Variants in BMI1 observed in about 807,000 individuals in gnomAD.
BMI1 encodes BMI1 proto-oncogene, polycomb ring finger.
A neutral mutation model predicts 39.1 loss-of-function variants in BMI1; 9 were observed. The ratio of observed to expected loss-of-function variants is 0.23; its 90% CI spans 0.14 to 0.40. The LOEUF is 0.40. Ranked by LOEUF, BMI1 falls within the 10% of genes least tolerant of loss-of-function variation. The pLI is 1.00. For synonymous variants in BMI1, 131 were observed against 127.9 expected (o/e 1.02, Z -0.16); for missense variants, 252 against 390.8 (o/e 0.64, Z 2.99).
intron 1 of BMI1, among the ~76,000 whole-genome samples, chr10:22,324,621 C>G (rs1836088386): frequency 6.6e-6 from 1 of 152,162 alleles, no homozygotes; most frequent in Non-Finnish European, 1.5e-5. Flanking sequence ...AGCCATTGAG[C>G]TGTGTTGATT....
chr10:22,325,894 C>G (rs1277635008), intron 1 of BMI1: 1 of 152,198 alleles, frequency 6.6e-6, no homozygotes, highest in East Asian at 1.9e-4. Context: ...CCCCAGCACC[C>G]GGCTCCGGAA....
intron 1 of BMI1, among the ~76,000 whole-genome samples, chr10:22,323,873 A>G (rs1208101369): frequency 1.3e-5 from 2 of 152,234 alleles, no homozygotes; most frequent in African/African-American, 2.4e-5. Context: ...AAGCACGTCA[A>G]ACACTTTGGA....
chr10:22,326,197 C>A, intron 1 of BMI1: 1 of 436,292 alleles, frequency 2.3e-6, no homozygotes, highest in African/African-American at 2.0e-5. Context: ...AGACTTTCTT[C>A]TACCTACAGG....
rs372205695 is a variant in BMI1, at chr10:22,329,089, T to C, written c.612T>C (p.Tyr204=). The C allele has an allele frequency of 8.1e-6, 13 of 1,612,322 alleles. No homozygotes were observed. The African/African-American group carries it at 1.5e-4, about 18-fold the overall frequency. Residue 204 remains tyrosine (Y), a synonymous_variant, in exon 9 of 10, where the codon TAT becomes TAC. Transcript: ENST00000376663. ...MYEEEPLKDY[Y]TLMDIAYIYT... is the part of the protein sequence containing the mutation. ...AGGAGGAACCTTTAAAGGATTATTA[T>C]ACACTAATGGATATTGCCTACATTT...
intron 3 of BMI1, 59 bp from the exon 4 acceptor site, chr10:22,327,536 T>G (rs766134368): frequency 2.0e-6 from 3 of 1,481,888 alleles, no homozygotes; most frequent in Middle Eastern, 2.4e-4. Context: ...TAGAAACTTA[T>G]GAACATTTTT....
At position 22,327,743 on chromosome 10, in the gene BMI1, T is replaced by A; in HGVS notation, c.267T>A (p.Asn89Lys). Reference protein sequence around the residue: ...VYKLVPGLFKNEMKRRRDFYA... With the variant: ...VYKLVPGLFKKEMKRRRDFYA... ...TTTACATCTTTTTTCCCCATTCAGATGAAATGAAGAGAAGAAGGGATTTTT... is the reference window on the plus strand; with the variant it reads ...TTTACATCTTTTTTCCCCATTCAGAAGAAATGAAGAGAAGAAGGGATTTTT... Residue 89 changes from asparagine to lysine, a missense_variant and splice_region_variant, in exon 5 of 10, where the codon AAT becomes AAA. Physicochemically the swap from Asn to Lys is moderately conservative, Grantham distance 94. Around this residue, in one of 4 missense-constraint regions of BMI1, gnomAD observed 62 missense variants for 123.3 expected, o/e 0.50. Coordinates refer to ENST00000376663, the MANE Select transcript of BMI1 (RefSeq NM_005180.9). The A allele has an allele frequency of 6.2e-7, 1 of 1,613,420 alleles. No individual in the cohort carries two copies. The highest frequency in any genetic ancestry group is 8.5e-7 in the Non-Finnish European group (1 of 1,179,616).
intron 1 of BMI1, among the ~76,000 whole-genome samples, chr10:22,325,118 C>A (rs1225162269): frequency 2.0e-5 from 3 of 152,232 alleles, no homozygotes; most frequent in African/African-American, 7.2e-5. Flanking sequence ...GCTTTGCCCT[C>A]TCCTCTTCTT....
At chr10:22,329,155 A>T in intron 9 of BMI1, 27 bp downstream of exon 9, 1 of 1,611,066 alleles carries the variant, frequency 6.2e-7, no homozygotes, top group Non-Finnish European at 8.5e-7. Context: ...TTGTTAGATT[A>T]TGATGGTAAA....
At position 22,321,326 on chromosome 10, in the gene BMI1, A is replaced by C. The variant is rs886551309; in HGVS notation, c.-390A>C. 1 of 153,740 alleles carries C rather than the reference A, an allele frequency of 6.5e-6. No individual in the cohort carries two copies. The highest frequency in any genetic ancestry group is 1.4e-5 in the Non-Finnish European group (1 of 69,498). The allele number at this position is 153,740 out of a possible 1,614,324, so 9.5% of individuals were successfully genotyped here. A position where few individuals can be genotyped will look rare whatever the true frequency, so the allele number is the denominator to read the frequency against. On this transcript the variant is annotated 5_prime_UTR_variant, in exon 1 of 10. Transcript: ENST00000376663. ...GCACCTCCCAGCCCCGCAGAATAAA[A>C]CCGATCGCGCCCCCTCCGCGCGCGC...
Position 22,326,982 on chromosome 10 carries a change from A to G in BMI1, c.205A>G (p.Ile69Val), listed in dbSNP as rs1323074440. 2 of 1,613,422 alleles carry G rather than the reference A, an allele frequency of 1.2e-6. No homozygotes were observed. Among genetic ancestry groups the G allele is most frequent in the African/African-American group, 1.3e-5 (1 of 75,024 alleles). The change falls in exon 3 of 10, where the codon ATA (isoleucine) becomes GTA (valine). Residue 69 changes from isoleucine (I) to valine (V), a missense_variant. Physicochemically the swap from Ile to Val is conservative, Grantham distance 29. Around this residue, in one of 4 missense-constraint regions of BMI1, gnomAD observed 62 missense variants for 123.3 expected, o/e 0.50. Coordinates refer to ENST00000376663, the MANE Select transcript of BMI1 (RefSeq NM_005180.9). ...TCACAAGACCAGACCACTACTGAAT[A>G]TAAGGTAGGAAACTGTTGAAATTCC... ...QVHKTRPLLN[I>V]RSDKTLQDIV...
intron 1 of BMI1, chr10:22,325,634 CCCGCCCGCCCG>C (rs1428661995): frequency 6.9e-6 from 1 of 145,742 alleles, no homozygotes; most frequent in African/African-American, 2.5e-5. Context: ...CCCCCGCCCG[CCCGCCCGCCCG>C]CCGCCCCGCA....
Position 22,330,683 on chromosome 10 carries a change from G to T in BMI1, c.*1141G>T, listed in dbSNP as rs1271877724. ...GCTAAAAGAAGGCATTTTATCTAAA[G>T]TTATTTTAATAGGTGGTATAGCAGT... On this transcript the variant is annotated 3_prime_UTR_variant, in exon 10 of 10. Coordinates refer to ENST00000376663, the MANE Select transcript of BMI1 (RefSeq NM_005180.9). 6.6e-6 allele frequency: 1 copy of T among 152,288 alleles called. No individual in the cohort carries two copies. The highest frequency in any genetic ancestry group is 2.4e-5 in the African/African-American group (1 of 41,440). The allele number at this position is 152,288 out of a possible 1,614,324, so 9.4% of individuals were successfully genotyped here.
At position 22,331,371 on chromosome 10, in the gene BMI1, TATAGTG is replaced by T. The variant is rs1320258592; in HGVS notation, c.*1832_*1837del. Reference sequence around the variant, plus strand: ...CGTTAAAGAGAATACATTGCTGACTTATAGTGATGTGGCTAAGAAGTACATGCTTTG... The same window carrying T: ...CGTTAAAGAGAATACATTGCTGACTTATGTGGCTAAGAAGTACATGCTTTG... On this transcript the variant is annotated 3_prime_UTR_variant, in exon 10 of 10. Coordinates refer to ENST00000376663, the MANE Select transcript of BMI1 (RefSeq NM_005180.9). 11 of 152,158 alleles carry T rather than the reference TATAGTG, an allele frequency of 7.2e-5. No homozygotes were observed. The highest frequency in any genetic ancestry group is 2.7e-4 in the African/African-American group (11 of 41,452). The allele number at this position is 152,158 out of a possible 1,614,324, so 9.4% of individuals were successfully genotyped here. A position where few individuals can be genotyped will look rare whatever the true frequency, so the allele number is the denominator to read the frequency against.
rs1311665193 is a variant in BMI1, at chr10:22,321,555, C to T, written c.-161C>T. On this transcript the variant is annotated 5_prime_UTR_variant, in exon 1 of 10. Coordinates refer to ENST00000376663, the MANE Select transcript of BMI1 (RefSeq NM_005180.9). ...TGGCGGCCGCGGCTGCTCGGGGCCGCGCTGGTTGCCCATTGACAGCGGCGT... is the reference window on the plus strand; with the variant it reads ...TGGCGGCCGCGGCTGCTCGGGGCCGTGCTGGTTGCCCATTGACAGCGGCGT... 6.5e-6 allele frequency: 1 copy of T among 153,340 alleles called. No homozygotes were observed. The highest frequency in any genetic ancestry group is 2.4e-5 in the African/African-American group (1 of 41,438). The allele number at this position is 153,340 out of a possible 1,614,324, so 9.5% of individuals were successfully genotyped here. A position where few individuals can be genotyped will look rare whatever the true frequency, so the allele number is the denominator to read the frequency against.
At chr10:22,327,843 T>C in intron 5 of BMI1, 51 bp downstream of exon 5, 1 of 1,608,878 alleles carries the variant, frequency 6.2e-7, no homozygotes, top group Non-Finnish European at 8.5e-7. Context: ...AGAGCTTATC[T>C]AGGAATTAAA....
rs1471620122 is a variant in BMI1, at chr10:22,329,640, G to A, written c.*98G>A. On this transcript the variant is annotated 3_prime_UTR_variant, in exon 10 of 10. Coordinates refer to ENST00000376663, the MANE Select transcript of BMI1 (RefSeq NM_005180.9). ...CTAGATGCTAATACATGTGACTATC[G>A]TCCAATTTGCTTTCTTTTGTAGTGA... The A allele has an allele frequency of 1.9e-5, 26 of 1,398,676 alleles. No homozygotes were observed. The highest frequency in any genetic ancestry group is 1.9e-4 in the Middle Eastern group (1 of 5,248). The allele number at this position is 1,398,676 out of a possible 1,614,324, so 86.6% of individuals were successfully genotyped here.
chr10:22,326,028 AG>A (rs1384105144), intron 1 of BMI1: 1 of 154,516 alleles, frequency 6.5e-6, no homozygotes, highest in African/African-American at 2.4e-5. Context: ...CAGATTCTTG[AG>A]GAAGTTTTAT....
intron 1 of BMI1, among the ~76,000 whole-genome samples, chr10:22,324,055 CT>C (rs1836072546): frequency 6.6e-6 from 1 of 152,234 alleles, no homozygotes; most frequent in African/African-American, 2.4e-5. Context: ...ATTTGAAAGA[CT>C]TTTGGTCAAG....
In BMI1 at chr10:22,328,039, G is replaced by T; in HGVS notation, c.406G>T (p.Glu136Ter). ...TDDEIISLSI[E>*]FFDQNRLDRK... ...TGATGAGATAATAAGCTTATCCATT[G>T]AATTCTTTGACCAGAACAGGTAAAA... Residue 136 changes from glutamate to a stop codon, truncating the protein, a stop_gained, in exon 6 of 10, where the codon GAA becomes TAA. Coordinates refer to ENST00000376663, the MANE Select transcript of BMI1 (RefSeq NM_005180.9). LOFTEE classifies it high-confidence loss of function. The T allele has an allele frequency of 6.2e-7, 1 of 1,607,164 alleles. No individual in the cohort carries two copies. Among genetic ancestry groups the T allele is most frequent in the South Asian group, 1.1e-5 (1 of 88,924 alleles).
Sources: allele counts gnomAD v4.1 joint callset (sites outside exome capture counted in the v4.1 genomes callset), GRCh38; gene constraint gnomAD v4.1.1; regional missense constraint gnomAD v4.1.1; transcripts MANE v1.5; gene names NCBI Gene and HGNC (gene_info 2026-07-23, HGNC 2026-07-21).